SNX13: variants seen among roughly 807,000 people sequenced by gnomAD.
The protein encoded by SNX13 is sorting nexin-13.
A neutral mutation model predicts 133.6 loss-of-function variants in SNX13; 45 were observed. The observed-to-expected ratio is 0.34, with a 90% CI of 0.27 to 0.43. The LOEUF is 0.43. Among genes scored for constraint, SNX13 ranks in the 20% least tolerant of loss-of-function variants. SNX13 has a pLI of 1.00. For synonymous variants in SNX13, 414 were observed against 373.9 expected (o/e 1.11, Z -1.24); for missense variants, 1,032 against 1,145.1 (o/e 0.90, Z 1.43).
chr7:17,916,242 A>G (rs1799550276), intron 1 of SNX13, among the ~76,000 whole-genome samples: 1 of 152,312 alleles, frequency 6.6e-6, no homozygotes, highest in African/African-American at 2.4e-5. Context: ...TAGAAAAACA[A>G]AAACAAACTC....
chr7:17,805,317 C>T (rs887398850), intron 20 of SNX13, among the ~76,000 whole-genome samples: 2 of 148,458 alleles, frequency 1.3e-5, no homozygotes, highest in South Asian at 4.3e-4. Flanking sequence ...TTTTGGTCAA[C>T]CAGAATAGTA....
intron 5 of SNX13, among the ~76,000 whole-genome samples, chr7:17,884,994 A>G (rs1795817952): frequency 6.6e-6 from 1 of 152,208 alleles, no homozygotes; most frequent in Admixed American, 6.5e-5. Flanking sequence ...TTATATTCCT[A>G]GGTATATATC....
chr7:17,835,928 G>A (rs932002752), intron 13 of SNX13, among the ~76,000 whole-genome samples: 4 of 151,820 alleles, frequency 2.6e-5, no homozygotes, highest in Non-Finnish European at 5.9e-5. Flanking sequence ...AAATAGAAAC[G>A]GGAGAACTAA....
rs78293225 is a variant in SNX13 at position 17,805,246 on chromosome 7, T to C, written c.2065-1666A>G. On this transcript the variant is annotated intron_variant, in intron 20 of 25. Coordinates refer to ENST00000428135, the MANE Select transcript of SNX13 (RefSeq NM_015132.5). ...GTGTGTGTGTGTGTGTGTGTGTGTG[T>C]GTGTGCGTGCGCGCGCGCGCATGCA... 6.2e-3 allele frequency among the ~76,000 whole-genome samples: 623 copies of C among 100,210 alleles called. 2 individuals carry two copies. Among genetic ancestry groups the C allele is most frequent in the African/African-American group, 0.014 (422 of 30,608 alleles). The allele number at this position is 100,210 out of a possible 152,430, so 65.7% of individuals were successfully genotyped here.
At chr7:17,916,699 C>T (rs371744265) in intron 1 of SNX13, among the ~76,000 whole-genome samples, 1 of 151,118 alleles carries the variant, frequency 6.6e-6, no homozygotes, top group East Asian at 1.9e-4. Context: ...AAACCCTGGA[C>T]CAGATGGATT....
At chr7:17,797,369 G>T (rs1784164489) in intron 24 of SNX13, among the ~76,000 whole-genome samples, 1 of 151,718 alleles carries the variant, frequency 6.6e-6, no homozygotes, top group South Asian at 2.1e-4. Flanking sequence ...TTATAATTAA[G>T]CCTACATAAT....
rs749434188 is a variant in SNX13, at chr7:17,916,260, G to A, written c.13-18814C>T. Among the ~76,000 whole-genome samples, 11 of 151,948 alleles carry A rather than the reference G, an allele frequency of 7.2e-5. No homozygotes were observed. The East Asian group carries it at 7.7e-4, about 11-fold the overall frequency. On this transcript the variant is annotated intron_variant, in intron 1 of 25. Coordinates refer to ENST00000428135, the MANE Select transcript of SNX13 (RefSeq NM_015132.5). ...AAAAACAAAAACAAACTCCAAAAAC[G>A]AGCAGAAGAATAAACTCATAAACTA...
chr7:17,861,321 G>C (rs1352946973), intron 9 of SNX13, among the ~76,000 whole-genome samples: 1 of 147,534 alleles, frequency 6.8e-6, no homozygotes, highest in African/African-American at 2.5e-5. Flanking sequence ...CACACATACA[G>C]TTATCACACA....
At chr7:17,847,254 C>CGT (rs1491350033) in intron 11 of SNX13, among the ~76,000 whole-genome samples, 1 of 149,744 alleles carries the variant, frequency 6.7e-6, no homozygotes, top group African/African-American at 2.5e-5. Flanking sequence ...CACACACACA[C>CGT]GTAACAAATA....
intron 1 of SNX13, among the ~76,000 whole-genome samples, chr7:17,904,986 A>C (rs1362287722): frequency 6.6e-6 from 1 of 152,134 alleles, no homozygotes; most frequent in Admixed American, 6.5e-5. Flanking sequence ...AAGTGAAATG[A>C]GGGAAGGAAT....
At chr7:17,796,298 T>C (rs185929316) in intron 25 of SNX13, 145 of 152,152 alleles carry the variant, frequency 9.5e-4, no homozygotes, top group Non-Finnish European at 1.8e-3. Flanking sequence ...GGGATTGTAT[T>C]TTAAGTAATA....
chr7:17,912,395 A>G (rs1200494739), intron 1 of SNX13, among the ~76,000 whole-genome samples: 1 of 149,380 alleles, frequency 6.7e-6, no homozygotes, highest in Non-Finnish European at 1.5e-5. Flanking sequence ...TTTCCCAGGC[A>G]TGGGAATAAG....
chr7:17,860,299 G>A (rs1157004944), intron 9 of SNX13, among the ~76,000 whole-genome samples: 2 of 152,102 alleles, frequency 1.3e-5, no homozygotes, highest in African/African-American at 4.8e-5. Context: ...CTTCTGTGGA[G>A]ATACACTATT....
intron 18 of SNX13, among the ~76,000 whole-genome samples, chr7:17,820,670 T>C (rs1310908628): frequency 6.6e-6 from 1 of 152,140 alleles, no homozygotes; most frequent in African/African-American, 2.4e-5. Flanking sequence ...TTCCACTATA[T>C]TAAGTTGAAA....
intron 5 of SNX13, among the ~76,000 whole-genome samples, chr7:17,885,518 G>A (rs1795891241): frequency 6.6e-6 from 1 of 152,098 alleles, no homozygotes; most frequent in Admixed American, 6.6e-5. Flanking sequence ...ATTACCCCAG[G>A]TCTATTCTAC....
At chr7:17,935,389 C>A (rs1801900248) in intron 1 of SNX13, among the ~76,000 whole-genome samples, 1 of 152,142 alleles carries the variant, frequency 6.6e-6, no homozygotes, top group Admixed American at 6.5e-5. Context: ...GGATATACTG[C>A]TCAGAGTACA....
At chr7:17,795,633 GTCTC>G (rs1336380002) in intron 25 of SNX13, 1 of 151,524 alleles carries the variant, frequency 6.6e-6, no homozygotes, top group African/African-American at 2.4e-5. Context: ...GTGTTTTTGA[GTCTC>G]TCTATTTCTA....
intron 8 of SNX13, among the ~76,000 whole-genome samples, chr7:17,870,762 T>A (rs949657877): frequency 2.0e-5 from 3 of 152,216 alleles, no homozygotes; most frequent in African/African-American, 4.8e-5. Flanking sequence ...ATAATCTCTG[T>A]CCTCATTAGA....
intron 15 of SNX13, chr7:17,832,405 A>T: frequency 1.0e-6 from 1 of 984,600 alleles, no homozygotes; most frequent in Non-Finnish European, 1.2e-6. Flanking sequence ...AGTTTAAATT[A>T]CACATTACTT....
Sources: allele counts gnomAD v4.1 joint callset (sites outside exome capture counted in the v4.1 genomes callset), GRCh38; gene constraint gnomAD v4.1.1; transcripts MANE v1.5; gene names NCBI Gene and HGNC (gene_info 2026-07-23, HGNC 2026-07-21).